The following PCDHGB1 variants were observed in gnomAD, a reference collection of about 807,000 sequenced individuals.
PCDHGB1 encodes protocadherin gamma subfamily B, 1.
Under a neutral mutation model 56.6 loss-of-function variants are expected in PCDHGB1, and 34 were observed. That is an observed-to-expected ratio of 0.60 (90% confidence interval 0.46 to 0.80). PCDHGB1 has a LOEUF of 0.80. Among genes scored for constraint, PCDHGB1 ranks in the 30% least tolerant of loss-of-function variants. The pLI is 0.00. For missense variants in PCDHGB1, 1,278 were observed against 1,204.6 expected, an observed-to-expected ratio of 1.06 and a Z score of -0.90; for synonymous variants, 561 against 505.9, an observed-to-expected ratio of 1.11 and a Z score of -1.46.
chr5:141,389,553 G>T, intron 1 of PCDHGB1: 1 of 1,613,234 alleles, frequency 6.2e-7, no homozygotes. Context: ...CAACGACAAT[G>T]CGCCACGGGT....
rs188091361 is a variant in PCDHGB1, at chr5:141,375,199, C to T, written c.2409+22530C>T. 47 of 1,613,924 alleles carry T rather than the reference C, an allele frequency of 2.9e-5. No individual in the cohort carries two copies. The South Asian group carries it at 4.7e-4, about 16-fold the overall frequency. ...CAGTAATCGCCCTTTTTCAAGTGTT[C>T]GATCGAGACTCTGGCCTGAATGGCC... On this transcript the variant is annotated intron_variant, in intron 1 of 3. Transcript: ENST00000523390.
At position 141,476,753 on chromosome 5, in the gene PCDHGB1, G is replaced by C; in HGVS notation, c.2410-18054G>C. On this transcript the variant is annotated intron_variant, in intron 1 of 3. Coordinates refer to ENST00000523390, the MANE Select transcript of PCDHGB1 (RefSeq NM_018922.3). This position sits in a 1 kb window ranked among gnomAD's most constrained non-coding sequence, Gnocchi z 7.6. Reference sequence around the variant, plus strand: ...AGAACGGGAGCCTAGTCTCCAGTTAGTGCTGACGGCGTTGGACGGAGGGAC... The same window carrying C: ...AGAACGGGAGCCTAGTCTCCAGTTACTGCTGACGGCGTTGGACGGAGGGAC... 3.1e-6 allele frequency: 5 copies of C among 1,614,012 alleles called. No individual in the cohort carries two copies. The highest frequency in any genetic ancestry group is 4.2e-6 in the Non-Finnish European group (5 of 1,180,030).
intron 1 of PCDHGB1, among the ~76,000 whole-genome samples, chr5:141,460,285 T>C (rs1283830175): frequency 1.3e-5 from 2 of 152,154 alleles, no homozygotes; most frequent in Admixed American, 6.5e-5. Context: ...ATAGTTTGTA[T>C]TTCTTATGTC....
rs770419617 is a variant in PCDHGB1, at chr5:141,421,523, C to T, written c.2409+68854C>T. The T allele has an allele frequency of 2.5e-6, 4 of 1,614,034 alleles. No homozygotes were observed. In the Admixed American group the frequency reaches 5.0e-5, roughly 20 times the overall value. ...ATAGACCGGGAGGAGCTCTGTGAGA[C>T]GGTGTCCTCCTGTTTTTTAAATATG... On this transcript the variant is annotated intron_variant, in intron 1 of 3. Transcript: ENST00000523390.
intron 1 of PCDHGB1, chr5:141,415,452 C>G (rs2095870569): frequency 1.9e-6 from 3 of 1,614,122 alleles, no homozygotes; most frequent in Admixed American, 1.7e-5. Context: ...CCTATTCCCA[C>G]GAGGTCTCTC....
chr5:141,387,132 C>T lies in PCDHGB1; in HGVS notation c.2409+34463C>T, dbSNP rs180939160. Among the ~76,000 whole-genome samples, 392 of 152,234 alleles carry T rather than the reference C, an allele frequency of 2.6e-3. 2 individuals carry two copies. The highest frequency in any genetic ancestry group is 9.3e-3 in the African/African-American group (386 of 41,528). ...TATTCCTGTAATGAAATCACTGAAA[C>T]TATTGGGAAGGGGGTGTATTTGAAG... On this transcript the variant is annotated intron_variant, in intron 1 of 3. Coordinates refer to ENST00000523390, the MANE Select transcript of PCDHGB1 (RefSeq NM_018922.3).
intron 1 of PCDHGB1, among the ~76,000 whole-genome samples, chr5:141,464,934 G>T (rs1353581045): frequency 1.3e-5 from 2 of 151,416 alleles, no homozygotes; most frequent in African/African-American, 4.8e-5. Flanking sequence ...GAGATGTGAG[G>T]TCTCACTATG....
At position 141,497,540 on chromosome 5, in the gene PCDHGB1, C is replaced by CT. The variant is rs754207034; in HGVS notation, c.2468+2693dup. On this transcript the variant is annotated intron_variant, in intron 2 of 3. Transcript: ENST00000523390. Reference sequence around the variant, plus strand: ...TTAACTTGTGGAGGATGCAACAAACCTTTTTTTTTTTTTTTTTTAGACAGA... The same window carrying CT: ...TTAACTTGTGGAGGATGCAACAAACCTTTTTTTTTTTTTTTTTTTAGACAGA... Among the ~76,000 whole-genome samples, 618 of 134,908 alleles carry CT rather than the reference C, an allele frequency of 4.6e-3. 3 individuals carry two copies. The highest frequency in any genetic ancestry group is 0.012 in the African/African-American group (419 of 35,974). 88.5% of individuals were successfully genotyped at this position (134,908 alleles called of 152,430 possible). A position where few individuals can be genotyped will look rare whatever the true frequency, so the allele number is the denominator to read the frequency against.
intron 1 of PCDHGB1, chr5:141,357,737 T>G: frequency 7.7e-7 from 1 of 1,301,834 alleles, no homozygotes. Flanking sequence ...AATATTTTAT[T>G]GCTTTAAAGA....
At chr5:141,403,344 C>T (rs1307550469) in intron 1 of PCDHGB1, 10 of 1,613,916 alleles carry the variant, frequency 6.2e-6, no homozygotes, top group Non-Finnish European at 8.5e-6. Context: ...GACAGCGCCC[C>T]AAAGTTCCAG....
At chr5:141,425,484 TA>T (rs929097245) in intron 1 of PCDHGB1, among the ~76,000 whole-genome samples, 1 of 152,258 alleles carries the variant, frequency 6.6e-6, no homozygotes, top group African/African-American at 2.4e-5. Context: ...TATGGCAACC[TA>T]CTAGGCTATA....
At chr5:141,387,369 G>A (rs2090919487) in intron 1 of PCDHGB1, among the ~76,000 whole-genome samples, 1 of 152,148 alleles carries the variant, frequency 6.6e-6, no homozygotes, top group African/African-American at 2.4e-5. Context: ...CTGTGTTATG[G>A]CTATCTTTAT....
chr5:141,371,294 A>T, intron 1 of PCDHGB1: 2 of 1,614,012 alleles, frequency 1.2e-6, no homozygotes, highest in Non-Finnish European at 1.7e-6. Flanking sequence ...AAACGGGGGA[A>T]CTCACCACTA....
Position 141,432,038 on chromosome 5 carries a change from C to A in PCDHGB1, c.2410-62769C>A. On this transcript the variant is annotated intron_variant, in intron 1 of 3. Transcript: ENST00000523390. The surrounding 1 kb of genome is among the most constrained non-coding windows in gnomAD (Gnocchi z 6.0). ...CAACATCACAGTGACCGCCACTGAC[C>A]GGGGAACCCCGCCCCTATCCACGGA... 1 of 1,614,190 alleles carries A rather than the reference C, an allele frequency of 6.2e-7. No homozygotes were observed. The highest frequency in any genetic ancestry group is 1.1e-5 in the South Asian group (1 of 91,072).
intron 1 of PCDHGB1, chr5:141,417,389 A>C (rs578088616): frequency 2.5e-4 from 39 of 154,566 alleles, no homozygotes; most frequent in Admixed American, 4.5e-4. Flanking sequence ...ATTTTGAAGA[A>C]AAAATATTCA....
At chr5:141,377,699 G>A (rs895371425) in intron 1 of PCDHGB1, 1 of 151,992 alleles carries the variant, frequency 6.6e-6, no homozygotes, top group Non-Finnish European at 1.5e-5. Context: ...TTACTACTTA[G>A]GAATCAAAAA....
At chr5:141,369,990 A>G (rs773924073) in intron 1 of PCDHGB1, among the ~76,000 whole-genome samples, 2 of 152,236 alleles carry the variant, frequency 1.3e-5, no homozygotes, top group Non-Finnish European at 2.9e-5. Context: ...TTGGATGGAT[A>G]AAGCTCAAAT....
rs775312856 is a variant in PCDHGB1, at chr5:141,485,899, C to G, written c.2410-8908C>G. 1.9e-6 allele frequency: 3 copies of G among 1,614,166 alleles called. No homozygotes were observed. Among genetic ancestry groups the G allele is most frequent in the Non-Finnish European group, 2.5e-6 (3 of 1,180,032 alleles). ...ACGTAAACGACAACGCCCCAGCCTT[C>G]CAGCAATCCAGCTACAGGATTAGTG... On this transcript the variant is annotated intron_variant, in intron 1 of 3. Transcript: ENST00000523390. The surrounding 1 kb of genome is among the most constrained non-coding windows in gnomAD (Gnocchi z 5.7).
intron 2 of PCDHGB1, among the ~76,000 whole-genome samples, chr5:141,501,690 A>G (rs760011264): frequency 5.3e-5 from 8 of 152,158 alleles, no homozygotes; most frequent in Non-Finnish European, 1.0e-4. Context: ...ACTTATCTGC[A>G]GGGTGATTCC....
Sources: gnomAD v4.1 joint callset for allele counts (sites outside exome capture counted in the v4.1 genomes callset) on GRCh38, gnomAD v4.1.1 for gene constraint, Gnocchi (gnomAD v3.1) non-coding constraint, MANE v1.5 for transcripts, NCBI Gene and HGNC (gene_info 2026-07-23, HGNC 2026-07-21) for gene names.